EIPR1: variants seen among roughly 807,000 people sequenced by gnomAD.
EIPR1 encodes EARP and GARP complex-interacting protein 1.
Under a neutral mutation model 48.1 loss-of-function variants are expected in EIPR1, and 25 were observed. The ratio of observed to expected loss-of-function variants is 0.52; its 90% CI spans 0.38 to 0.73. The LOEUF is 0.73. Among genes scored for constraint, EIPR1 ranks in the 30% least tolerant of loss-of-function variants. EIPR1 has a pLI of 0.00. For missense variants in EIPR1, 415 were observed against 506.2 expected, an observed-to-expected ratio of 0.82 and a Z score of 1.73; for synonymous variants, 204 against 201.9, an observed-to-expected ratio of 1.01 and a Z score of -0.09.
At chr2:3,309,020 T>C (rs1005418273) in intron 3 of EIPR1, among the ~76,000 whole-genome samples, 4 of 152,012 alleles carry the variant, frequency 2.6e-5, no homozygotes, top group Non-Finnish European at 5.9e-5. Flanking sequence ...GAAATTATAA[T>C]GAAAAAAGGC....
intron 4 of EIPR1, among the ~76,000 whole-genome samples, chr2:3,242,031 T>C (rs1478757869): frequency 6.6e-6 from 1 of 152,074 alleles, no homozygotes; most frequent in Non-Finnish European, 1.5e-5. Context: ...CCCGCCGTCA[T>C]GTAGGATGGG....
chr2:3,291,547 T>C (rs1351092053), intron 3 of EIPR1, among the ~76,000 whole-genome samples: 1 of 152,170 alleles, frequency 6.6e-6, no homozygotes, highest in African/African-American at 2.4e-5. Context: ...AAAAGATAGT[T>C]TTATCTAAAC....
At position 3,344,544 on chromosome 2, in the gene EIPR1, A is replaced by G. The variant is rs557560307; in HGVS notation, c.127-6395T>C. On this transcript the variant is annotated intron_variant, in intron 2 of 8. Coordinates refer to ENST00000382125, the MANE Select transcript of EIPR1 (RefSeq NM_003310.5). ...CACTAACCCTTTCTGGGCTCTTTGTATATCTGGGCCCCTCTCAGCATTTGT... is the reference window on the plus strand; with the variant it reads ...CACTAACCCTTTCTGGGCTCTTTGTGTATCTGGGCCCCTCTCAGCATTTGT... 7.3e-5 allele frequency among the ~76,000 whole-genome samples: 11 copies of G among 150,232 alleles called. No homozygotes were observed. The South Asian group carries it at 2.3e-3, about 32-fold the overall frequency.
chr2:3,299,134 T>A, intron 3 of EIPR1, among the ~76,000 whole-genome samples: 1 of 152,254 alleles, frequency 6.6e-6, no homozygotes, highest in East Asian at 1.9e-4. Flanking sequence ...CAGGGTGAGT[T>A]CTGGACTTCA....
chr2:3,364,509 C>T (rs138531952), intron 1 of EIPR1, among the ~76,000 whole-genome samples: 1 of 151,868 alleles, frequency 6.6e-6, no homozygotes, highest in Non-Finnish European at 1.5e-5. Flanking sequence ...ATGATGCACA[C>T]CTGTAGTCCC....
intron 3 of EIPR1, among the ~76,000 whole-genome samples, chr2:3,290,924 C>T (rs1006101017): frequency 6.6e-6 from 1 of 152,210 alleles, no homozygotes; most frequent in African/African-American, 2.4e-5. Flanking sequence ...CGTGGTGCTC[C>T]AGGCCAGGCC....
intron 5 of EIPR1, among the ~76,000 whole-genome samples, chr2:3,207,043 G>C (rs572402320): frequency 3.9e-5 from 6 of 152,134 alleles, no homozygotes; most frequent in Non-Finnish European, 8.8e-5. Flanking sequence ...CTCTGCACGA[G>C]GGTCTTCTTG....
At chr2:3,350,208 T>C (rs1192941381) in intron 2 of EIPR1, among the ~76,000 whole-genome samples, 1 of 149,618 alleles carries the variant, frequency 6.7e-6, no homozygotes, top group Non-Finnish European at 1.5e-5. Flanking sequence ...CCACAGGCTA[T>C]ACAGGGGACA....
At chr2:3,336,377 G>T (rs963779554) in intron 3 of EIPR1, among the ~76,000 whole-genome samples, 3 of 152,142 alleles carry the variant, frequency 2.0e-5, no homozygotes, top group African/African-American at 7.2e-5. Context: ...ACCTCCCGCT[G>T]GCAGGAGGTG....
chr2:3,354,741 T>G, intron 1 of EIPR1, 108 bp from the exon 2 acceptor site: 1 of 1,122,224 alleles, frequency 8.9e-7, no homozygotes, highest in Non-Finnish European at 1.3e-6. Flanking sequence ...TGATAAAGTA[T>G]AAATTAGTAC....
At chr2:3,316,524 G>A (rs1669306834) in intron 3 of EIPR1, among the ~76,000 whole-genome samples, 1 of 152,170 alleles carries the variant, frequency 6.6e-6, no homozygotes, top group Admixed American at 6.5e-5. Context: ...TATACCTGAT[G>A]TTGCAAATTC....
intron 3 of EIPR1, among the ~76,000 whole-genome samples, chr2:3,258,684 G>T (rs2103222083): frequency 6.6e-6 from 1 of 152,192 alleles, no homozygotes; most frequent in Middle Eastern, 3.4e-3. Context: ...CTAACTTTGT[G>T]AATATTATTA....
chr2:3,369,957 C>T (rs1671071013), intron 1 of EIPR1, among the ~76,000 whole-genome samples: 1 of 151,220 alleles, frequency 6.6e-6, no homozygotes, highest in Non-Finnish European at 1.5e-5. Flanking sequence ...TGACCCCTGA[C>T]CCCCGAGCAG....
At chr2:3,323,604 G>A (rs1165861678) in intron 3 of EIPR1, among the ~76,000 whole-genome samples, 1 of 152,182 alleles carries the variant, frequency 6.6e-6, no homozygotes, top group Non-Finnish European at 1.5e-5. Flanking sequence ...CAAGCCACGT[G>A]AGCAGCCTCC....
In EIPR1 at chr2:3,208,970, G is replaced by A. The variant is rs1479451039; in HGVS notation, c.516+5179C>T. On this transcript the variant is annotated intron_variant, in intron 5 of 8. Coordinates refer to ENST00000382125, the MANE Select transcript of EIPR1 (RefSeq NM_003310.5). The stretch of plus-strand genomic sequence containing the variant: ...CAGATTCTTCCCTCTAATAGGACAA[G>A]GGAAGAGCTCTCATATTATCAAGGT... The A allele has an allele frequency of 2.7e-6, 4 of 1,478,970 alleles. No individual in the cohort carries two copies. The African/African-American group carries it at 5.6e-5, about 21-fold the overall frequency. The allele number at this position is 1,478,970 out of a possible 1,614,324, so 91.6% of individuals were successfully genotyped here. A position where few individuals can be genotyped will look rare whatever the true frequency, so the allele number is the denominator to read the frequency against.
intron 5 of EIPR1, among the ~76,000 whole-genome samples, chr2:3,204,273 A>G (rs1391205003): frequency 6.6e-6 from 1 of 152,164 alleles, no homozygotes; most frequent in African/African-American, 2.4e-5. Flanking sequence ...ACCTGACTCC[A>G]CTCCATTGGT....
chr2:3,200,025 C>T (rs1378873171), intron 5 of EIPR1, among the ~76,000 whole-genome samples: 1 of 151,912 alleles, frequency 6.6e-6, no homozygotes, highest in Non-Finnish European at 1.5e-5. Context: ...GAGTATGTGT[C>T]CACATCTGGG....
At chr2:3,238,786 A>G (rs1666498868) in intron 4 of EIPR1, among the ~76,000 whole-genome samples, 1 of 152,232 alleles carries the variant, frequency 6.6e-6, no homozygotes. Flanking sequence ...CAAGAGGCCA[A>G]CTGGCCACAT....
chr2:3,199,582 G>A (rs1558217281), intron 5 of EIPR1, among the ~76,000 whole-genome samples: 1 of 152,212 alleles, frequency 6.6e-6, no homozygotes, highest in Non-Finnish European at 1.5e-5. Flanking sequence ...ACCCACTGGG[G>A]GGACAGGGTA....
Sources: allele counts gnomAD v4.1 joint callset (sites outside exome capture counted in the v4.1 genomes callset), GRCh38; gene constraint gnomAD v4.1.1; transcripts MANE v1.5; gene names NCBI Gene and HGNC (gene_info 2026-07-23, HGNC 2026-07-21).